Variants in ADGRL2 observed in about 807,000 individuals in gnomAD.
ADGRL2 encodes the protein adhesion G protein-coupled receptor L2, also known as calcium-independent alpha-latrotoxin receptor 2.
ADGRL2 carries 44 observed loss-of-function variants against 157.4 expected under a neutral mutation model. That is an observed-to-expected ratio of 0.28 (90% CI 0.22 to 0.36). The LOEUF (loss-of-function observed/expected upper bound fraction) is 0.36. Among genes scored for constraint, ADGRL2 ranks in the 10% least tolerant of loss-of-function variants. ADGRL2 has a pLI of 1.00. For synonymous variants in ADGRL2, 585 were observed against 624.7 expected (o/e 0.94, Z 0.95); for missense variants, 1,510 against 1,768.9 (o/e 0.85, Z 2.63).
chr1:81,317,247 C>G (rs1408129307), intron 1 of ADGRL2, among the ~76,000 whole-genome samples: 2 of 152,166 alleles, frequency 1.3e-5, no homozygotes, highest in Non-Finnish European at 2.9e-5. Context: ...AAAACCCTTT[C>G]TTGTAGCTCA....
At chr1:81,500,449 A>G (rs912361325) in intron 2 of ADGRL2, among the ~76,000 whole-genome samples, 1 of 152,368 alleles carries the variant, frequency 6.6e-6, no homozygotes, top group African/African-American at 2.4e-5. Flanking sequence ...GTATATACAT[A>G]CAAAGGAATG....
chr1:81,463,984 T>A (rs749724666), intron 2 of ADGRL2, among the ~76,000 whole-genome samples: 1 of 151,916 alleles, frequency 6.6e-6, no homozygotes, highest in African/African-American at 2.4e-5. Context: ...CTTTTTTTTT[T>A]AAACACAAGC....
intron 1 of ADGRL2, among the ~76,000 whole-genome samples, chr1:81,349,960 T>C (rs1257628960): frequency 1.3e-5 from 2 of 152,118 alleles, no homozygotes; most frequent in African/African-American, 2.4e-5. Context: ...ATTCTCATGC[T>C]CTTTTATCAT....
chr1:81,565,648 T>A (rs2080542661), intron 2 of ADGRL2, among the ~76,000 whole-genome samples: 1 of 152,182 alleles, frequency 6.6e-6, no homozygotes. Flanking sequence ...CTAGTTAAAA[T>A]GTTCCTGTTG....
chr1:81,615,876 A>G (rs1376402593), intron 3 of ADGRL2, among the ~76,000 whole-genome samples: 2 of 152,142 alleles, frequency 1.3e-5, no homozygotes, highest in Admixed American at 1.3e-4. Flanking sequence ...ATACTTTAAT[A>G]TTTTCCACAT....
At chr1:81,547,036 A>G (rs895110198) in intron 2 of ADGRL2, among the ~76,000 whole-genome samples, 1 of 152,190 alleles carries the variant, frequency 6.6e-6, no homozygotes, top group African/African-American at 2.4e-5. Context: ...TTTTGCTGAA[A>G]ATAATGATTC....
chr1:81,429,136 AG>A (rs2077273375), intron 1 of ADGRL2, among the ~76,000 whole-genome samples: 4 of 24,996 alleles, frequency 1.6e-4, no homozygotes, highest in Non-Finnish European at 5.6e-4. Flanking sequence ...TTTCAAAAGC[AG>A]CTTTTTTTTT....
At chr1:81,979,562 T>C (rs562937154) in intron 17 of ADGRL2, among the ~76,000 whole-genome samples, 8 of 151,930 alleles carry the variant, frequency 5.3e-5, no homozygotes, top group Middle Eastern at 3.4e-3. Context: ...CTTTAGTGTT[T>C]CCATCAGATG....
At chr1:81,975,907 C>A (rs1389356246) in intron 17 of ADGRL2, among the ~76,000 whole-genome samples, 3 of 151,746 alleles carry the variant, frequency 2.0e-5, no homozygotes, top group Non-Finnish European at 2.9e-5. Flanking sequence ...GAATATTTTC[C>A]CCTGCAAAAT....
At chr1:81,450,874 C>T (rs1033382023) in intron 2 of ADGRL2, among the ~76,000 whole-genome samples, 16 of 152,004 alleles carry the variant, frequency 1.1e-4, no homozygotes, top group African/African-American at 3.9e-4. Flanking sequence ...TTAGAGTCCC[C>T]CCAAAGTAAA....
chr1:81,842,350 G>A (rs1416832141), intron 2 of ADGRL2, among the ~76,000 whole-genome samples: 1 of 95,340 alleles, frequency 1.0e-5, no homozygotes, highest in Non-Finnish European at 2.1e-5. Flanking sequence ...TTTTCTTTTA[G>A]CGCTTTTTTT....
chr1:81,948,142 A>G (rs893043111), intron 6 of ADGRL2, among the ~76,000 whole-genome samples: 1 of 150,978 alleles, frequency 6.6e-6, no homozygotes, highest in African/African-American at 2.4e-5. Flanking sequence ...GCTTGAACGC[A>G]GGAGGCGGAG....
At chr1:81,421,285 A>T (rs1388203892) in intron 1 of ADGRL2, among the ~76,000 whole-genome samples, 2 of 152,202 alleles carry the variant, frequency 1.3e-5, no homozygotes, top group African/African-American at 4.8e-5. Flanking sequence ...ATTGATCCTC[A>T]TCTTACTTAT....
intron 1 of ADGRL2, among the ~76,000 whole-genome samples, chr1:81,728,176 T>C (rs1256909517): frequency 2.0e-5 from 3 of 152,178 alleles, no homozygotes. Context: ...TATTTACTTT[T>C]TCCAGAAGTA....
intron 1 of ADGRL2, among the ~76,000 whole-genome samples, chr1:81,746,844 A>ATACACACGTGCACACGTATACACG (rs1557615017): frequency 7.5e-6 from 1 of 133,916 alleles, no homozygotes; most frequent in East Asian, 2.0e-4. Flanking sequence ...ATACATGTAT[A>ATACACACGTGCACACGTATACACG]TACACACGTG....
rs530189039 is a variant in ADGRL2 at position 81,503,036 on chromosome 1, G to C, written c.-248+57947G>C. 2.5e-6 allele frequency: 4 copies of C among 1,611,664 alleles called. No individual in the cohort carries two copies. In the Admixed American group the frequency reaches 6.7e-5, roughly 27 times the overall value. On this transcript the variant is annotated intron_variant, in intron 2 of 24. Coordinates refer to the ADGRL2 transcript ENST00000370721. ...TTGGCAAGCCAGCAGGCTGGTACTCGGACCGCCGCACTGGAGCAGCTGCGG... is the reference window on the plus strand; with the variant it reads ...TTGGCAAGCCAGCAGGCTGGTACTCCGACCGCCGCACTGGAGCAGCTGCGG...
At chr1:81,952,925 C>G in intron 9 of ADGRL2, 62 bp from the exon 10 acceptor site, 1 of 1,321,682 alleles carries the variant, frequency 7.6e-7, no homozygotes, top group Non-Finnish European at 1.1e-6. Flanking sequence ...AGGATTTCTT[C>G]TTTCCTCATT....
At chr1:81,557,684 C>CG (rs1165888716) in intron 2 of ADGRL2, 1 of 152,228 alleles carries the variant, frequency 6.6e-6, no homozygotes, top group South Asian at 2.1e-4. Flanking sequence ...AAGCATGCAT[C>CG]GCAGGATAAC....
chr1:81,936,687 ATAAAT>A (rs1254431538), intron 3 of ADGRL2, 36 bp from the exon 4 acceptor site: 1 of 1,109,090 alleles, frequency 9.0e-7, no homozygotes, highest in Non-Finnish European at 1.3e-6. Context: ...AAATAATCAA[ATAAAT>A]TATGTTACAC....
Sources: gnomAD v4.1 joint callset for allele counts (sites outside exome capture counted in the v4.1 genomes callset) on GRCh38, gnomAD v4.1.1 for gene constraint, MANE v1.5 for transcripts, NCBI Gene and HGNC (gene_info 2026-07-23, HGNC 2026-07-21) for gene names.